Variants in PLD5 observed in about 807,000 individuals in gnomAD.
The protein encoded by PLD5 is inactive phospholipase D5.
In PLD5, 36 loss-of-function variants were observed where a neutral mutation model predicts 61.1. The ratio of observed to expected loss-of-function variants is 0.59; its 90% confidence interval spans 0.45 to 0.78. PLD5 has a LOEUF of 0.78. Ranked by LOEUF, PLD5 falls within the 30% of genes least tolerant of loss-of-function variation. The pLI is 0.00. For missense variants in PLD5, 515 were observed against 644.4 expected (o/e 0.80, Z 2.17); for synonymous variants, 243 against 242.8 (o/e 1.00, Z -0.01).
chr1:242,093,560 A>C (rs1330160727), intron 9 of PLD5, among the ~76,000 whole-genome samples: 2 of 152,158 alleles, frequency 1.3e-5, no homozygotes, highest in African/African-American at 4.8e-5. Context: ...AATTTGTCCA[A>C]AGCGGGAATA....
intron 2 of PLD5, among the ~76,000 whole-genome samples, chr1:242,323,067 T>C (rs1418631298): frequency 2.0e-5 from 3 of 152,158 alleles, no homozygotes; most frequent in Non-Finnish European, 4.4e-5. Flanking sequence ...TGAACAAAAA[T>C]ATGTACTAAG....
At chr1:242,299,641 G>A (rs911343157) in intron 2 of PLD5, among the ~76,000 whole-genome samples, 43 of 152,348 alleles carry the variant, frequency 2.8e-4, no homozygotes, top group African/African-American at 9.1e-4. Flanking sequence ...TGAATGTCCT[G>A]GGGCATGAGG....
intron 5 of PLD5, among the ~76,000 whole-genome samples, chr1:242,189,314 C>T (rs867484206): frequency 4.0e-5 from 6 of 151,844 alleles, no homozygotes; most frequent in Non-Finnish European, 7.4e-5. Flanking sequence ...GGCGTAGTGG[C>T]GGGCACCTGT....
intron 5 of PLD5, among the ~76,000 whole-genome samples, chr1:242,194,353 C>T (rs542823281): frequency 2.6e-5 from 4 of 152,248 alleles, no homozygotes; most frequent in East Asian, 1.9e-4. Flanking sequence ...CTATGGAAAA[C>T]AGTGTGGAGA....
intron 1 of PLD5, among the ~76,000 whole-genome samples, chr1:242,431,038 T>C (rs1224509823): frequency 6.6e-6 from 1 of 152,182 alleles, no homozygotes; most frequent in Non-Finnish European, 1.5e-5. Context: ...ACACGCCTCA[T>C]GTCCAAGCCT....
At chr1:242,411,384 C>T (rs565168192) in intron 1 of PLD5, among the ~76,000 whole-genome samples, 19 of 152,068 alleles carry the variant, frequency 1.2e-4, no homozygotes, top group Non-Finnish European at 2.2e-4. Context: ...TACAGGCGCC[C>T]GCCACCACGC....
At chr1:242,406,542 C>T (rs1664243954) in intron 1 of PLD5, among the ~76,000 whole-genome samples, 1 of 152,182 alleles carries the variant, frequency 6.6e-6, no homozygotes, top group Admixed American at 6.5e-5. Context: ...ATAAACCAAC[C>T]ATCTGTGGTC....
At chr1:242,204,374 T>C (rs1226319920) in intron 5 of PLD5, among the ~76,000 whole-genome samples, 1 of 152,200 alleles carries the variant, frequency 6.6e-6, no homozygotes, top group East Asian at 1.9e-4. Context: ...TAAAGCTCTA[T>C]AGCATTCAAG....
At position 242,468,211 on chromosome 1, in the gene PLD5, TG is replaced by T. The variant is rs35529621; in HGVS notation, c.189+55876del. ...ATTTATTGACTTTAAGCATTTGTGA[TG>T]GGCTGTAACCTAATTTTGAACAGAG... On this transcript the variant is annotated intron_variant, in intron 1 of 9. Coordinates refer to ENST00000536534, the MANE Select transcript of PLD5 (RefSeq NM_001372062.1). 3.4e-3 allele frequency among the ~76,000 whole-genome samples: 514 copies of T among 152,370 alleles called. 1 individual carries two copies. The highest frequency in any genetic ancestry group is 6.2e-3 in the Non-Finnish European group (419 of 68,032).
rs138458430 is a variant in PLD5, at chr1:242,101,771, C to T, written c.1240-989G>A. Among the ~76,000 whole-genome samples the T allele has an allele frequency of 1.2e-3, 184 of 152,260 alleles. 1 individual carries two copies. The highest frequency in any genetic ancestry group is 4.4e-3 in the African/African-American group (181 of 41,556). On this transcript the variant is annotated intron_variant, in intron 8 of 9. Coordinates refer to ENST00000536534, the MANE Select transcript of PLD5 (RefSeq NM_001372062.1). ...TGAGGAAATAATGAGAGTTGGACTT[C>T]CCCCTCCCCTAGCGTGGTAGAACGG...
At chr1:242,319,060 C>T (rs978889573) in intron 2 of PLD5, among the ~76,000 whole-genome samples, 16 of 152,212 alleles carry the variant, frequency 1.1e-4, no homozygotes, top group African/African-American at 3.4e-4. Flanking sequence ...CAGAGAAGCC[C>T]TCCTCGAACA....
At chr1:242,103,128 A>G (rs187727555) in intron 8 of PLD5, among the ~76,000 whole-genome samples, 23 of 152,252 alleles carry the variant, frequency 1.5e-4, no homozygotes, top group Admixed American at 1.2e-3. Flanking sequence ...TGGTATACCA[A>G]AAGTCCCAGA....
chr1:242,395,067 A>G (rs1170818357), intron 1 of PLD5, among the ~76,000 whole-genome samples: 1 of 145,388 alleles, frequency 6.9e-6, no homozygotes, highest in Non-Finnish European at 1.5e-5. Flanking sequence ...ATATGTATAT[A>G]TATGAATATA....
At chr1:242,511,386 T>G (rs1668902055) in intron 1 of PLD5, among the ~76,000 whole-genome samples, 1 of 152,200 alleles carries the variant, frequency 6.6e-6, no homozygotes, top group African/African-American at 2.4e-5. Context: ...CATGTCTAGC[T>G]TCAAAAAATT....
At chr1:242,343,476 T>C (rs1659955090) in intron 2 of PLD5, among the ~76,000 whole-genome samples, 2 of 151,826 alleles carry the variant, frequency 1.3e-5, no homozygotes, top group Non-Finnish European at 2.9e-5. Flanking sequence ...AGGACTGGAA[T>C]TTTCTAGAGA....
chr1:242,473,522 A>G (rs1233995959), intron 1 of PLD5, among the ~76,000 whole-genome samples: 2 of 152,252 alleles, frequency 1.3e-5, no homozygotes, highest in African/African-American at 4.8e-5. Flanking sequence ...TTGTATGTCC[A>G]GTATTACTAA....
At chr1:242,466,944 A>AG (rs11378360) in intron 1 of PLD5, among the ~76,000 whole-genome samples, 104,251 of 151,408 alleles carry the variant, frequency 0.69, 36,654 homozygotes, top group African/African-American at 0.83. Flanking sequence ...GCTGGTTACC[A>AG]GGGCTGAGTG....
intron 1 of PLD5, among the ~76,000 whole-genome samples, chr1:242,477,194 G>A (rs1011434239): frequency 3.3e-5 from 5 of 152,010 alleles, no homozygotes; most frequent in African/African-American, 1.2e-4. Flanking sequence ...AGGTTGCGGT[G>A]AGCTGAGATC....
At chr1:242,440,157 G>C (rs1384114216) in intron 1 of PLD5, among the ~76,000 whole-genome samples, 3 of 152,182 alleles carry the variant, frequency 2.0e-5, no homozygotes, top group African/African-American at 7.2e-5. Flanking sequence ...AGATAAACTA[G>C]ACAATTACTT....
Sources: gnomAD v4.1 joint callset for allele counts (sites outside exome capture counted in the v4.1 genomes callset) on GRCh38, gnomAD v4.1.1 for gene constraint, MANE v1.5 for transcripts, NCBI Gene and HGNC (gene_info 2026-07-23, HGNC 2026-07-21) for gene names.